PDE7A: variants seen among roughly 807,000 people sequenced by gnomAD.
The protein encoded by PDE7A is high affinity 3',5'-cyclic-AMP phosphodiesterase 7A.
A neutral mutation model predicts 64.3 loss-of-function variants in PDE7A; 39 were observed. That is an observed-to-expected ratio of 0.61 (90% CI 0.47 to 0.79). PDE7A has a LOEUF of 0.79. Ranked by LOEUF, PDE7A falls within the 30% of genes least tolerant of loss-of-function variation. The pLI, the probability that PDE7A is intolerant of heterozygous loss-of-function variation, is 0.00. For synonymous variants in PDE7A, 203 were observed against 206.8 expected (o/e 0.98, Z 0.16); for missense variants, 470 against 582.8 (o/e 0.81, Z 1.99).
At chr8:65,737,826 AAT>A (rs1388131654) in intron 6 of PDE7A, among the ~76,000 whole-genome samples, 4 of 152,154 alleles carry the variant, frequency 2.6e-5, no homozygotes, top group African/African-American at 9.7e-5. Context: ...GCATGTATGA[AAT>A]ATTAAATGTC....
intron 3 of PDE7A, among the ~76,000 whole-genome samples, chr8:65,751,251 T>G (rs1376932876): frequency 6.6e-6 from 1 of 152,188 alleles, no homozygotes; most frequent in Non-Finnish European, 1.5e-5. Context: ...TGTCTAAGAT[T>G]TAATAGAGGA....
chr8:65,821,191 C>A (rs1489285744), intron 1 of PDE7A, among the ~76,000 whole-genome samples: 4 of 151,094 alleles, frequency 2.6e-5, no homozygotes, highest in South Asian at 4.2e-4. Flanking sequence ...CAAAAAAAAA[C>A]CCTTTTTTCA....
At chr8:65,814,959 T>C (rs1810360663) in intron 1 of PDE7A, among the ~76,000 whole-genome samples, 1 of 151,984 alleles carries the variant, frequency 6.6e-6, no homozygotes, top group African/African-American at 2.4e-5. Flanking sequence ...TGGGCACCTG[T>C]AATCCCAGCT....
intron 1 of PDE7A, among the ~76,000 whole-genome samples, chr8:65,834,207 A>G (rs1231089272): frequency 6.6e-6 from 1 of 152,210 alleles, no homozygotes; most frequent in East Asian, 1.9e-4. Flanking sequence ...CCTACTCAAC[A>G]TGAAGATGAT....
In PDE7A at chr8:65,717,244, C is replaced by T. The variant is rs765694982; in HGVS notation, c.*2046G>A. ...TTAATGTGTTTGATTTAGAAGTTTG[C>T]ACCATATCCCTTCTAATGAGTTGGA... On this transcript the variant is annotated 3_prime_UTR_variant, in exon 13 of 13. Coordinates refer to ENST00000401827, the MANE Select transcript of PDE7A (RefSeq NM_001242318.3). Among the ~76,000 whole-genome samples, 15 of 152,302 alleles carry T rather than the reference C, an allele frequency of 9.8e-5. No homozygotes were observed. The highest frequency in any genetic ancestry group is 3.4e-3 in the Middle Eastern group (1 of 294).
chr8:65,814,187 GAAC>G (rs773698692), intron 1 of PDE7A, among the ~76,000 whole-genome samples: 39 of 152,176 alleles, frequency 2.6e-4, no homozygotes, highest in Non-Finnish European at 3.7e-4. Flanking sequence ...TTTATTTATA[GAAC>G]AATATGTAGT....
intron 1 of PDE7A, among the ~76,000 whole-genome samples, chr8:65,822,860 A>G (rs1256607959): frequency 1.3e-5 from 2 of 152,198 alleles, no homozygotes; most frequent in Admixed American, 1.3e-4. Context: ...AGGAGGTGGA[A>G]ATAATGCATA....
intron 1 of PDE7A, among the ~76,000 whole-genome samples, chr8:65,830,549 T>C (rs1262878493): frequency 2.0e-5 from 3 of 152,070 alleles, no homozygotes; most frequent in Non-Finnish European, 2.9e-5. Context: ...TAGAAATGGA[T>C]AAAATAATTG....
At chr8:65,731,446 T>C (rs1035411679) in intron 7 of PDE7A, 5 of 152,318 alleles carry the variant, frequency 3.3e-5, no homozygotes, top group South Asian at 2.1e-4. Flanking sequence ...AGTTTAAGTA[T>C]AGTTATTAAG....
At chr8:65,770,121 CTGTGTGTGTGTGTGTGTG>C (rs10608556) in intron 3 of PDE7A, among the ~76,000 whole-genome samples, 115 of 146,556 alleles carry the variant, frequency 7.8e-4, no homozygotes, top group African/African-American at 2.5e-3. Context: ...CAGTATACTT[CTGTGTGTGTGTGTGTGTG>C]TGTGTGTGTG....
rs71981429 is a variant in PDE7A at position 65,743,839 on chromosome 8, C to CTT, written c.499+1566_499+1567dup. ...CTGGGGCAAAACATTAGCTGAATTG[C>CTT]TTTTTTTTTTTTTGAGACAGTCTCG... On this transcript the variant is annotated intron_variant, in intron 5 of 12. Coordinates refer to ENST00000401827, the MANE Select transcript of PDE7A (RefSeq NM_001242318.3). Among the ~76,000 whole-genome samples the CTT allele has an allele frequency of 4.2e-3, 617 of 145,336 alleles. 1 individual carries two copies. Among genetic ancestry groups the CTT allele is most frequent in the Non-Finnish European group, 6.2e-3 (408 of 65,946 alleles).
intron 6 of PDE7A, 40 bp downstream of exon 6, chr8:65,739,462 A>G: frequency 6.6e-7 from 1 of 1,514,688 alleles, no homozygotes; most frequent in Non-Finnish European, 8.8e-7. Context: ...TCTTGTATAA[A>G]TGTAAATCTT....
At chr8:65,723,362 TA>T in intron 12 of PDE7A, 178 bp downstream of exon 12, 1 of 497,112 alleles carries the variant, frequency 2.0e-6, no homozygotes, top group Non-Finnish European at 3.1e-6. Flanking sequence ...TTTTACATCC[TA>T]AAATTAAATG....
intron 3 of PDE7A, among the ~76,000 whole-genome samples, chr8:65,774,247 C>T (rs1365679836): frequency 6.6e-6 from 1 of 152,136 alleles, no homozygotes; most frequent in African/African-American, 2.4e-5. Flanking sequence ...ATTACTCTTT[C>T]GTGCTGTTGG....
rs1383352145 is a variant in PDE7A, at chr8:65,719,340, C to T, written c.1399G>A (p.Ala467Thr). Residue 467 changes from alanine to threonine, a missense_variant, in exon 13 of 13, where the codon GCA becomes ACA. By Grantham distance (58) the Ala-to-Thr change is moderately conservative. Coordinates refer to ENST00000401827, the MANE Select transcript of PDE7A (RefSeq NM_001242318.3). ...AATAACTGTGAGTTCAACTCAAATG[C>T]AGCATCAGTGTCCTCACTGCTCGAC... is the stretch of plus-strand genomic sequence containing the variant. Reference protein sequence around the residue: ...EQSSSEDTDAAFELNSQLLPQ... With the variant: ...EQSSSEDTDATFELNSQLLPQ... The T allele has an allele frequency of 1.9e-6, 3 of 1,613,994 alleles. No individual in the cohort carries two copies. In the East Asian group the frequency reaches 6.7e-5, roughly 36 times the overall value.
chr8:65,810,562 A>AT (rs150138042), intron 1 of PDE7A, among the ~76,000 whole-genome samples: 10,375 of 151,540 alleles, frequency 0.068, 417 homozygotes, highest in Middle Eastern at 0.11. Context: ...AGAATAATAC[A>AT]TTTTTTTTTG....
chr8:65,734,937 A>T, intron 6 of PDE7A, 43 bp from the exon 7 acceptor site: 10 of 1,196,248 alleles, frequency 8.4e-6, no homozygotes, highest in Non-Finnish European at 1.1e-5. Context: ...TATATGAGCA[A>T]CATATACAAG....
At chr8:65,740,351 T>C (rs1045334271) in intron 5 of PDE7A, among the ~76,000 whole-genome samples, 9 of 152,126 alleles carry the variant, frequency 5.9e-5, no homozygotes, top group African/African-American at 2.2e-4. Flanking sequence ...ATCCACCCCC[T>C]CATTCTCCAC....
chr8:65,823,155 G>A (rs2128932723), intron 1 of PDE7A, among the ~76,000 whole-genome samples: 1 of 152,230 alleles, frequency 6.6e-6, no homozygotes, highest in East Asian at 1.9e-4. Flanking sequence ...CTGATGGGGA[G>A]AAGAGGGTGG....
Sources: allele counts gnomAD v4.1 joint callset (sites outside exome capture counted in the v4.1 genomes callset), GRCh38; gene constraint gnomAD v4.1.1; transcripts MANE v1.5; gene names NCBI Gene and HGNC (gene_info 2026-07-23, HGNC 2026-07-21).